MGLL: variants seen among roughly 807,000 people sequenced by gnomAD.
MGLL encodes the protein monoglyceride lipase.
In MGLL, 7 loss-of-function variants were observed where a neutral mutation model predicts 29.1. The ratio of observed to expected loss-of-function variants is 0.24; its 90% CI spans 0.14 to 0.45. MGLL has a LOEUF of 0.45. Among genes scored for constraint, MGLL ranks in the 20% least tolerant of loss-of-function variants. The probability of loss-of-function intolerance (pLI) is 0.99; values close to 1 mark genes in which losing one functional copy is unlikely to be tolerated. For missense variants in MGLL, 356 were observed against 413.6 expected (o/e 0.86, Z 1.21); for synonymous variants, 148 against 168.3 (o/e 0.88, Z 0.93).
At chr3:127,779,548 G>T (rs11925300) in intron 3 of MGLL, among the ~76,000 whole-genome samples, 1 of 151,458 alleles carries the variant, frequency 6.6e-6, no homozygotes, top group Non-Finnish European at 1.5e-5. Context: ...GTAATGCAGC[G>T]GCGCAGGACC....
intron 3 of MGLL, chr3:127,735,592 T>C: frequency 1.7e-6 from 2 of 1,168,304 alleles, no homozygotes. Flanking sequence ...GATAAACACA[T>C]AAAATAAAAA....
intron 3 of MGLL, among the ~76,000 whole-genome samples, chr3:127,734,846 C>T (rs1271373704): frequency 6.6e-6 from 1 of 152,212 alleles, no homozygotes; most frequent in East Asian, 1.9e-4. Flanking sequence ...GATGGGAGCC[C>T]CTGACTGTGA....
At chr3:127,749,984 G>C (rs949568015) in intron 3 of MGLL, among the ~76,000 whole-genome samples, 2 of 152,152 alleles carry the variant, frequency 1.3e-5, no homozygotes, top group African/African-American at 2.4e-5. Flanking sequence ...CAGTGAGTTG[G>C]AGCCAGGGAC....
chr3:127,731,333 TTTATTATTATTATTATTA>T (rs140919604), intron 3 of MGLL, among the ~76,000 whole-genome samples: 13,829 of 145,434 alleles, frequency 0.095, 838 homozygotes, highest in African/African-American at 0.16. Context: ...CTTGGTGGCT[TTTATTATTATTATTATTA>T]TTATTATTAT....
At chr3:127,756,353 T>C (rs1463678791) in intron 3 of MGLL, among the ~76,000 whole-genome samples, 2 of 152,160 alleles carry the variant, frequency 1.3e-5, no homozygotes, top group Non-Finnish European at 2.9e-5. Flanking sequence ...ATCTTTCCTA[T>C]GCAAATTAAC....
intron 2 of MGLL, among the ~76,000 whole-genome samples, chr3:127,820,827 A>T (rs140071914): frequency 6.6e-6 from 1 of 152,174 alleles, no homozygotes; most frequent in Non-Finnish European, 1.5e-5. Context: ...TTAAAAGTCC[A>T]TATCTCTGTG....
At chr3:127,814,859 C>T (rs187423425) in intron 2 of MGLL, among the ~76,000 whole-genome samples, 62 of 152,328 alleles carry the variant, frequency 4.1e-4, no homozygotes, top group African/African-American at 1.4e-3. Flanking sequence ...GCAGAAGCAT[C>T]AGAAGGAGAA....
chr3:127,794,240 C>CT (rs2077346285), intron 2 of MGLL, among the ~76,000 whole-genome samples: 1 of 151,772 alleles, frequency 6.6e-6, no homozygotes, highest in Admixed American at 6.6e-5. Flanking sequence ...AGGTCAGGAG[C>CT]TCCAGACCAG....
At chr3:127,715,994 C>T in intron 5 of MGLL, 4 of 365,278 alleles carry the variant, frequency 1.1e-5, no homozygotes, top group South Asian at 8.2e-5. Context: ...CATGGCTCCC[C>T]CATTGAGGTG....
At chr3:127,792,110 G>A (rs1441885006) in intron 2 of MGLL, among the ~76,000 whole-genome samples, 1 of 152,138 alleles carries the variant, frequency 6.6e-6, no homozygotes, top group Non-Finnish European at 1.5e-5. Flanking sequence ...GCCCCCAGAG[G>A]CCACTCACTA....
intron 2 of MGLL, among the ~76,000 whole-genome samples, chr3:127,786,569 T>C (rs1443341037): frequency 6.6e-6 from 1 of 152,150 alleles, no homozygotes; most frequent in Non-Finnish European, 1.5e-5. Context: ...CAGCTCCCAA[T>C]AAAGCACACA....
At chr3:127,709,012 G>T (rs1374786600) in intron 6 of MGLL, among the ~76,000 whole-genome samples, 1 of 152,198 alleles carries the variant, frequency 6.6e-6, no homozygotes, top group Non-Finnish European at 1.5e-5. Context: ...TCTTGAACAG[G>T]TTATTTAACC....
At chr3:127,777,830 G>A (rs481351) in intron 3 of MGLL, among the ~76,000 whole-genome samples, 139,468 of 152,288 alleles carry the variant, frequency 0.92, 64,483 homozygotes, top group Non-Finnish European at 0.98. Context: ...ATTAATTGTT[G>A]TGAGAAATTA....
intron 2 of MGLL, among the ~76,000 whole-genome samples, chr3:127,801,931 C>G (rs558319711): frequency 6.6e-6 from 1 of 152,072 alleles, no homozygotes; most frequent in East Asian, 1.9e-4. Flanking sequence ...TGTCACCAGA[C>G]AGAGGCCCAC....
At chr3:127,734,613 C>T (rs758840128) in intron 3 of MGLL, among the ~76,000 whole-genome samples, 13 of 152,232 alleles carry the variant, frequency 8.5e-5, no homozygotes, top group Non-Finnish European at 1.9e-4. Flanking sequence ...AAACCAACTC[C>T]ATTAAAAGAT....
intron 3 of MGLL, among the ~76,000 whole-genome samples, chr3:127,757,625 AC>A: frequency 6.6e-6 from 1 of 152,306 alleles, no homozygotes; most frequent in East Asian, 1.9e-4. Context: ...AAGTGACTAC[AC>A]CAGAGAAAGA....
At chr3:127,786,726 C>G (rs1214592096) in intron 2 of MGLL, among the ~76,000 whole-genome samples, 1 of 152,124 alleles carries the variant, frequency 6.6e-6, no homozygotes, top group Non-Finnish European at 1.5e-5. Flanking sequence ...TTCGCTCACC[C>G]GTGAAGTGGG....
At chr3:127,747,169 T>A (rs949827152) in intron 3 of MGLL, among the ~76,000 whole-genome samples, 13 of 152,136 alleles carry the variant, frequency 8.5e-5, no homozygotes, top group Admixed American at 5.9e-4. Context: ...GTTGGGAACA[T>A]CTGGAGATTT....
intron 2 of MGLL, among the ~76,000 whole-genome samples, chr3:127,796,066 G>A (rs1469780224): frequency 6.6e-6 from 1 of 152,174 alleles, no homozygotes; most frequent in Non-Finnish European, 1.5e-5. Flanking sequence ...GGTGAATGGA[G>A]AGAACATTGG....
Sources: gnomAD v4.1 joint callset for allele counts (sites outside exome capture counted in the v4.1 genomes callset) on GRCh38, gnomAD v4.1.1 for gene constraint, MANE v1.5 for transcripts, NCBI Gene and HGNC (gene_info 2026-07-23, HGNC 2026-07-21) for gene names.